The following HEPHL1 variants were observed in gnomAD, a reference collection of about 807,000 sequenced individuals.
The protein encoded by HEPHL1 is ferroxidase HEPHL1.
A neutral mutation model predicts 122.0 loss-of-function variants in HEPHL1; 123 were observed. The ratio of observed to expected loss-of-function variants is 1.01; its 90% CI spans 0.87 to 1.17. HEPHL1 has a LOEUF of 1.17. Among genes scored for constraint, HEPHL1 ranks in the 50% most tolerant of loss-of-function variants. HEPHL1 has a pLI of 0.00. For missense variants in HEPHL1, 1,452 were observed against 1,430.5 expected (o/e 1.01, Z -0.24); for synonymous variants, 527 against 508.9 (o/e 1.04, Z -0.48).
Position 94,090,715 on chromosome 11 carries a change from G to C in HEPHL1, c.2294+1747G>C, listed in dbSNP as rs138578497. On this transcript the variant is annotated intron_variant, in intron 12 of 19. Coordinates refer to ENST00000315765, the MANE Select transcript of HEPHL1 (RefSeq NM_001098672.2). ...AGGCATGTCTGTAGATAAGAGCCCA[G>C]TGACACATACCCCTTCTGCACCCTA... 2.1e-3 allele frequency among the ~76,000 whole-genome samples: 315 copies of C among 152,306 alleles called. 2 individuals are homozygous for C. The highest frequency in any genetic ancestry group is 4.1e-3 in the Non-Finnish European group (277 of 68,016).
At chr11:94,086,532 A>G (rs1946219857) in intron 11 of HEPHL1, among the ~76,000 whole-genome samples, 1 of 152,234 alleles carries the variant, frequency 6.6e-6, no homozygotes, top group South Asian at 2.1e-4. Flanking sequence ...ACATAATTTC[A>G]GTTGCTTCTC....
At chr11:94,110,655 T>G (rs552312844) in intron 17 of HEPHL1, among the ~76,000 whole-genome samples, 1 of 152,148 alleles carries the variant, frequency 6.6e-6, no homozygotes, top group South Asian at 2.1e-4. Flanking sequence ...TACCAGGAGG[T>G]GGGGATCATT....
At chr11:94,100,055 C>T (rs1946355320) in intron 13 of HEPHL1, among the ~76,000 whole-genome samples, 1 of 152,146 alleles carries the variant, frequency 6.6e-6, no homozygotes, top group Non-Finnish European at 1.5e-5. Context: ...GTGAGATGAA[C>T]CCGGTACCTC....
Position 94,067,742 on chromosome 11 carries a change from A to G in HEPHL1, c.1055A>G (p.His352Arg), listed in dbSNP as rs775768088. 1 of 1,613,460 alleles carries G rather than the reference A, an allele frequency of 6.2e-7. No individual in the cohort carries two copies. The highest frequency in any genetic ancestry group is 1.7e-5 in the Admixed American group (1 of 59,976). ...ATGATAACCTGCCAGGTCAGCGACC[A>G]CCTACAAGGTAAAAAGGATAAAGAC... ...KWMITCQVSDHLQAGMLGQYN... is the reference protein window; with the variant it reads ...KWMITCQVSDRLQAGMLGQYN... The change falls in exon 5 of 20, where the codon CAC becomes CGC. Residue 352 changes from histidine to arginine, a missense_variant. By Grantham distance (29) the His-to-Arg change is conservative. Coordinates refer to ENST00000315765, the MANE Select transcript of HEPHL1 (RefSeq NM_001098672.2).
chr11:94,055,861 A>T, intron 2 of HEPHL1: 1 of 597,026 alleles, frequency 1.7e-6, no homozygotes, highest in Non-Finnish European at 2.9e-6. Flanking sequence ...TCTGCCAAAG[A>T]TTTAGCTCTG....
chr11:94,023,293 T>G (rs1227145827), intron 1 of HEPHL1, among the ~76,000 whole-genome samples: 1 of 152,184 alleles, frequency 6.6e-6, no homozygotes, highest in Non-Finnish European at 1.5e-5. Flanking sequence ...TAATAAGAAC[T>G]TTCTAGAAAG....
At chr11:94,035,999 G>C (rs928002875) in intron 1 of HEPHL1, among the ~76,000 whole-genome samples, 3 of 152,204 alleles carry the variant, frequency 2.0e-5, no homozygotes, top group African/African-American at 7.2e-5. Flanking sequence ...GCCTCCCAAA[G>C]TGCTGGGATT....
At chr11:94,050,058 T>C (rs1473453901) in intron 2 of HEPHL1, among the ~76,000 whole-genome samples, 1 of 152,220 alleles carries the variant, frequency 6.6e-6, no homozygotes, top group East Asian at 1.9e-4. Context: ...AGATTTGCAT[T>C]TCTTTTGTTA....
At chr11:94,049,070 G>A (rs1945865868) in intron 2 of HEPHL1, among the ~76,000 whole-genome samples, 1 of 152,052 alleles carries the variant, frequency 6.6e-6, no homozygotes, top group East Asian at 1.9e-4. Flanking sequence ...GCAGTGAGCC[G>A]AGATCATGCC....
At chr11:94,022,451 T>C (rs748546814) in intron 1 of HEPHL1, among the ~76,000 whole-genome samples, 3 of 152,218 alleles carry the variant, frequency 2.0e-5, no homozygotes, top group African/African-American at 4.8e-5. Context: ...ATGAGTTTAG[T>C]TGATAAAATT....
At position 94,101,472 on chromosome 11, in the gene HEPHL1, T is replaced by G. The variant is rs1946366803; in HGVS notation, c.2575+137T>G. The G allele has an allele frequency of 7.1e-6, 6 of 848,668 alleles. No homozygotes were observed. The South Asian group carries it at 1.3e-4, about 18-fold the overall frequency. The allele number at this position is 848,668 out of a possible 1,614,324, so 52.6% of individuals were successfully genotyped here. ...ATCATCTAGTCACTCTGGTATGAGATCATCATTCATCCAATGACCAAATGT... is the reference window on the plus strand; with the variant it reads ...ATCATCTAGTCACTCTGGTATGAGAGCATCATTCATCCAATGACCAAATGT... On this transcript the variant is annotated intron_variant, in intron 14 of 19. Coordinates refer to ENST00000315765, the MANE Select transcript of HEPHL1 (RefSeq NM_001098672.2).
chr11:94,106,264 G>A, intron 17 of HEPHL1, 134 bp downstream of exon 17: 1 of 557,270 alleles, frequency 1.8e-6, no homozygotes, highest in East Asian at 3.1e-5. Context: ...TAATGTGATT[G>A]TACCGTTTCC....
At chr11:94,097,495 T>A (rs958998498) in intron 13 of HEPHL1, among the ~76,000 whole-genome samples, 1 of 152,224 alleles carries the variant, frequency 6.6e-6, no homozygotes, top group African/African-American at 2.4e-5. Context: ...TTTATTCTGC[T>A]GATTTGGGGT....
chr11:94,050,180 A>G (rs1458602966), intron 2 of HEPHL1, among the ~76,000 whole-genome samples: 2 of 152,088 alleles, frequency 1.3e-5, no homozygotes, highest in African/African-American at 2.4e-5. Context: ...TAATTTTTGT[A>G]TGTTGAAGTT....
rs1437322705 is a variant in HEPHL1, at chr11:94,111,810, T to G, written c.3396T>G (p.Ile1132Met). 3 of 1,569,240 alleles carry G rather than the reference T, an allele frequency of 1.9e-6. No homozygotes were observed. In the African/African-American group the frequency reaches 4.1e-5, roughly 21 times the overall value. The change falls in exon 20 of 20, where the codon ATT becomes ATG. Residue 1132 changes from isoleucine (I) to methionine (M), a missense_variant. By Grantham distance (10) the Ile-to-Met change is conservative. Coordinates refer to ENST00000315765, the MANE Select transcript of HEPHL1 (RefSeq NM_001098672.2). ...TCCTCCTTCTAATCACCACGGTGATTCTCTCCCTCAGACTCTGCTCTGCAA... is the reference window on the plus strand; with the variant it reads ...TCCTCCTTCTAATCACCACGGTGATGCTCTCCCTCAGACTCTGCTCTGCAA... ...IGLLLLITTV[I>M]LSLRLCSAMK... is the part of the protein sequence containing the mutation.
Position 94,112,066 on chromosome 11 carries a change from A to G in HEPHL1, c.*172A>G. 1 of 449,378 alleles carries G rather than the reference A, an allele frequency of 2.2e-6. No individual in the cohort carries two copies. The highest frequency in any genetic ancestry group is 3.9e-6 in the Non-Finnish European group (1 of 257,714). The allele number at this position is 449,378 out of a possible 1,614,324, so 27.8% of individuals were successfully genotyped here. ...CAAAGCAATTTGCTTTTATTTATTT[A>G]TTTTTAAATGGGCTGCGAATAATCC... On this transcript the variant is annotated 3_prime_UTR_variant, in exon 20 of 20. Transcript: ENST00000315765.
At chr11:94,026,347 T>C (rs890004438) in intron 1 of HEPHL1, among the ~76,000 whole-genome samples, 1 of 152,186 alleles carries the variant, frequency 6.6e-6, no homozygotes. Context: ...TGAAAAAATA[T>C]AACGTTTCAG....
chr11:94,026,626 T>C (rs1415577813), intron 1 of HEPHL1, among the ~76,000 whole-genome samples: 1 of 152,232 alleles, frequency 6.6e-6, no homozygotes, highest in Non-Finnish European at 1.5e-5. Context: ...GAGTATTTAC[T>C]ATGCTCCAGG....
At position 94,101,212 on chromosome 11, in the gene HEPHL1, G is replaced by T; in HGVS notation, c.2452G>T (p.Glu818Ter). The T allele has an allele frequency of 6.2e-7, 1 of 1,613,964 alleles. No homozygotes were observed. Among genetic ancestry groups the T allele is most frequent in the South Asian group, 1.1e-5 (1 of 91,060 alleles). Residue 818 changes from glutamate to a stop codon, truncating the protein, a stop_gained, in exon 14 of 20, where the codon GAG (glutamate) becomes TAG (stop). Transcript: ENST00000315765. LOFTEE classifies it high-confidence loss of function. ...GCCTTTAGGCCCAATGATTCATGCT[G>T]AGGTGGGCAACACCGTCCTGATCAT... is the stretch of plus-strand genomic sequence containing the variant. ...LELLGPMIHAEVGNTVLIIFK... is the reference protein window; with the variant it reads ...LELLGPMIHA
Sources: allele counts gnomAD v4.1 joint callset (sites outside exome capture counted in the v4.1 genomes callset), GRCh38; gene constraint gnomAD v4.1.1; transcripts MANE v1.5; gene names NCBI Gene and HGNC (gene_info 2026-07-23, HGNC 2026-07-21).